The following CSMD2 variants were observed in gnomAD, a reference collection of about 807,000 sequenced individuals.
CSMD2 encodes CUB and Sushi multiple domains 2, also known as CUB and sushi domain-containing protein 2.
Under a neutral mutation model 398.5 loss-of-function variants are expected in CSMD2, and 130 were observed. The ratio of observed to expected loss-of-function variants is 0.33; its 90% confidence interval spans 0.28 to 0.38. CSMD2 has a LOEUF of 0.38. Among genes scored for constraint, CSMD2 ranks in the 10% least tolerant of loss-of-function variants. The pLI is 1.00. For missense variants in CSMD2, 3,829 were observed against 4,764.9 expected, an observed-to-expected ratio of 0.80 and a Z score of 5.78; for synonymous variants, 1,828 against 1,908.5, an observed-to-expected ratio of 0.96 and a Z score of 1.10.
intron 15 of CSMD2, among the ~76,000 whole-genome samples, chr1:33,735,422 G>A (rs1347938658): frequency 6.6e-6 from 1 of 152,090 alleles, no homozygotes; most frequent in African/African-American, 2.4e-5. Flanking sequence ...AGGCAGGTAC[G>A]CCGGTGTAGC....
intron 3 of CSMD2, among the ~76,000 whole-genome samples, chr1:34,021,462 G>A (rs1238231253): frequency 1.3e-5 from 2 of 152,160 alleles, no homozygotes; most frequent in Non-Finnish European, 2.9e-5. Context: ...CCCACCCAGT[G>A]GTTCTTCGGT....
In CSMD2 at chr1:33,817,458, C is replaced by T. The variant is rs537212157; in HGVS notation, c.1324+2255G>A. ...TGTGGCTAAAAAAGATGAAGGAACC[C>T]GCCCAGGGCCAGCAAGCTAAAAGGT... On this transcript the variant is annotated intron_variant, in intron 9 of 70. Coordinates refer to ENST00000373381, the MANE Select transcript of CSMD2 (RefSeq NM_001281956.2). 3.2e-3 allele frequency among the ~76,000 whole-genome samples: 488 copies of T among 152,226 alleles called. 4 individuals carry two copies. Among genetic ancestry groups the T allele is most frequent in the African/African-American group, 0.011 (437 of 41,516 alleles).
chr1:33,568,430 A>C (rs1011124627), intron 52 of CSMD2, among the ~76,000 whole-genome samples: 2 of 151,954 alleles, frequency 1.3e-5, no homozygotes, highest in African/African-American at 4.8e-5. Context: ...CAAATGATCC[A>C]CCCGCCTTTG....
chr1:34,099,479 T>G (rs949656710), intron 1 of CSMD2, among the ~76,000 whole-genome samples: 7 of 152,206 alleles, frequency 4.6e-5, no homozygotes, highest in South Asian at 2.1e-4. Flanking sequence ...ATCTCCAGCA[T>G]CCCAGACCTC....
intron 15 of CSMD2, among the ~76,000 whole-genome samples, chr1:33,728,653 G>A (rs577973055): frequency 1.5e-3 from 228 of 152,234 alleles, no homozygotes; most frequent in African/African-American, 5.2e-3. Context: ...TAAATCCCCC[G>A]TGACACATAA....
chr1:33,660,856 T>C (rs1408062261), intron 26 of CSMD2, among the ~76,000 whole-genome samples: 1 of 152,228 alleles, frequency 6.6e-6, no homozygotes, highest in East Asian at 1.9e-4. Flanking sequence ...AGGCATGGCA[T>C]GACCCTGTCT....
chr1:33,781,476 A>T (rs7544913), intron 12 of CSMD2, among the ~76,000 whole-genome samples: 1 of 152,168 alleles, frequency 6.6e-6, no homozygotes, highest in African/African-American at 2.4e-5. Context: ...AACACATCAC[A>T]GGGCCTTAGA....
At chr1:33,798,936 G>T (rs1655274055) in intron 10 of CSMD2, among the ~76,000 whole-genome samples, 1 of 152,240 alleles carries the variant, frequency 6.6e-6, no homozygotes, top group Admixed American at 6.5e-5. Flanking sequence ...GCCAGCTCAG[G>T]GCAGTCTTGT....
chr1:33,936,006 C>T (rs754116580), intron 3 of CSMD2, 52 bp from the exon 4 acceptor site: 21 of 1,521,562 alleles, frequency 1.4e-5, no homozygotes, highest in Non-Finnish European at 1.9e-5. Context: ...TGGGCTGGAG[C>T]CCTGACACCG....
intron 10 of CSMD2, among the ~76,000 whole-genome samples, chr1:33,799,623 G>T (rs904881410): frequency 2.6e-5 from 4 of 152,208 alleles, no homozygotes; most frequent in African/African-American, 9.6e-5. Flanking sequence ...TCTGGGCAAG[G>T]AAACATGGGT....
intron 32 of CSMD2, among the ~76,000 whole-genome samples, chr1:33,628,770 A>G (rs1383311919): frequency 1.3e-5 from 2 of 152,168 alleles, no homozygotes; most frequent in Non-Finnish European, 2.9e-5. Flanking sequence ...AATTAGTGAG[A>G]AGAGACCTCC....
At chr1:33,988,519 T>G (rs1330651206) in intron 3 of CSMD2, among the ~76,000 whole-genome samples, 1 of 152,212 alleles carries the variant, frequency 6.6e-6, no homozygotes, top group Admixed American at 6.5e-5. Context: ...CCTGCCACTC[T>G]CTGTTTCCTA....
In CSMD2 at chr1:33,662,924, G is replaced by A; in HGVS notation, c.4221C>T (p.Phe1407=). The part of the protein sequence containing the change: ...SVVLQFSTDF[F]TSKQGFAIQF... Reference sequence around the variant, plus strand: ...GAATGGCAAAGCCCTGCTTGCTGGTGAAGAAGTCAGTGCTGAACTGCAGGA... The same window carrying A: ...GAATGGCAAAGCCCTGCTTGCTGGTAAAGAAGTCAGTGCTGAACTGCAGGA... Residue 1407 remains phenylalanine (F), a synonymous_variant, in exon 26 of 71, where the codon TTC becomes TTT. Coordinates refer to ENST00000373381, the MANE Select transcript of CSMD2 (RefSeq NM_001281956.2). 1 of 1,614,220 alleles carries A rather than the reference G, an allele frequency of 6.2e-7. No homozygotes were observed. Among genetic ancestry groups the A allele is most frequent in the East Asian group, 2.2e-5 (1 of 44,880 alleles).
At chr1:33,645,783 T>C (rs1416025808) in intron 29 of CSMD2, among the ~76,000 whole-genome samples, 1 of 152,222 alleles carries the variant, frequency 6.6e-6, no homozygotes, top group Non-Finnish European at 1.5e-5. Context: ...AAATGGAGGC[T>C]TCAAGAGGTT....
intron 5 of CSMD2, among the ~76,000 whole-genome samples, chr1:33,902,351 C>T (rs1184572918): frequency 6.6e-6 from 1 of 152,184 alleles, no homozygotes; most frequent in African/African-American, 2.4e-5. Flanking sequence ...TCCAGAAAGA[C>T]AATCAACTCC....
At chr1:33,951,460 A>T (rs914372304) in intron 3 of CSMD2, among the ~76,000 whole-genome samples, 2 of 152,206 alleles carry the variant, frequency 1.3e-5, no homozygotes, top group African/African-American at 2.4e-5. Context: ...CCCTAAGAAG[A>T]GGTGAGGCCA....
At chr1:34,122,086 G>A (rs1007448756) in intron 1 of CSMD2, among the ~76,000 whole-genome samples, 2 of 151,054 alleles carry the variant, frequency 1.3e-5, no homozygotes, top group Non-Finnish European at 2.9e-5. Flanking sequence ...GCAGAACAAC[G>A]GTTCTAAATT....
chr1:34,082,194 A>ACG, intron 2 of CSMD2, among the ~76,000 whole-genome samples: 1 of 53,774 alleles, frequency 1.9e-5, no homozygotes. Context: ...GAGCGTCTCT[A>ACG]CCCGGCCGCC....
intron 32 of CSMD2, among the ~76,000 whole-genome samples, chr1:33,627,734 G>C (rs1045756892): frequency 5.3e-5 from 8 of 152,246 alleles, no homozygotes; most frequent in African/African-American, 1.4e-4. Flanking sequence ...CAGCTAACAT[G>C]TAGCTGCCAA....
Sources: gnomAD v4.1 joint callset for allele counts (sites outside exome capture counted in the v4.1 genomes callset) on GRCh38, gnomAD v4.1.1 for gene constraint, MANE v1.5 for transcripts, NCBI Gene and HGNC (gene_info 2026-07-23, HGNC 2026-07-21) for gene names.